Variants in ROCK2 observed in about 807,000 individuals in gnomAD.
ROCK2 encodes the protein Rho associated coiled-coil containing protein kinase 2.
Under a neutral mutation model 195.1 loss-of-function variants are expected in ROCK2, and 61 were observed. The observed-to-expected ratio is 0.31, with a 90% CI of 0.25 to 0.39. The LOEUF is 0.39. ROCK2 is among the 10% of genes least tolerant of loss of function. The pLI, the probability that ROCK2 is intolerant of heterozygous loss-of-function variation, is 1.00. For missense variants in ROCK2, 1,109 were observed against 1,637.4 expected (o/e 0.68, Z 5.57); for synonymous variants, 504 against 545.5 (o/e 0.92, Z 1.06).
Position 11,343,301 on chromosome 2 carries a change from A to G in ROCK2, c.141+695T>C, listed in dbSNP as rs139834607. 4.1e-3 allele frequency among the ~76,000 whole-genome samples: 626 copies of G among 152,328 alleles called. 3 individuals are homozygous for G. The highest frequency in any genetic ancestry group is 0.014 in the African/African-American group (564 of 41,568). On this transcript the variant is annotated intron_variant, in intron 1 of 32. Transcript: ENST00000315872. ...CTTTCTTAACCAAGAGCCAATTAGC[A>G]GCCTTTACGGTGCTATTAATCTGGA...
intron 1 of ROCK2, among the ~76,000 whole-genome samples, chr2:11,325,369 G>A (rs1008106448): frequency 6.6e-6 from 1 of 152,166 alleles, no homozygotes; most frequent in South Asian, 2.1e-4. Flanking sequence ...TATTTGTCTT[G>A]TCCTTCCAGA....
At chr2:11,331,245 CAA>C (rs1341745170) in intron 1 of ROCK2, among the ~76,000 whole-genome samples, 1 of 152,034 alleles carries the variant, frequency 6.6e-6, no homozygotes, top group African/African-American at 2.4e-5. Flanking sequence ...AAATACAAAG[CAA>C]AAGAGTAGAA....
chr2:11,321,150 A>G (rs760973937), intron 1 of ROCK2, among the ~76,000 whole-genome samples: 15 of 152,146 alleles, frequency 9.9e-5, no homozygotes, highest in Non-Finnish European at 2.1e-4. Flanking sequence ...CTTTACCGGC[A>G]TAACAAAGCA....
At chr2:11,308,249 T>C in intron 1 of ROCK2, 1 of 1,249,810 alleles carries the variant, frequency 8.0e-7, no homozygotes. Context: ...AAGTACAGCT[T>C]TACAGTCCAC....
At chr2:11,234,737 T>G (rs963115037) in intron 5 of ROCK2, 2 of 151,994 alleles carry the variant, frequency 1.3e-5, no homozygotes, top group African/African-American at 4.8e-5. Flanking sequence ...GAATGATCAG[T>G]CAGGTCAGGA....
chr2:11,214,903 A>C lies in ROCK2; in HGVS notation c.1873T>G (p.Ser625Ala). 6.2e-7 allele frequency: 1 copy of C among 1,613,874 alleles called. No homozygotes were observed. Among genetic ancestry groups the C allele is most frequent in the Non-Finnish European group, 8.5e-7 (1 of 1,179,894 alleles). The change falls in exon 16 of 33, where the codon TCA becomes GCA. Residue 625 changes from serine to alanine, a missense_variant. Physicochemically the swap from Ser to Ala is moderately conservative, Grantham distance 99 (BLOSUM62 1). This residue lies in a region of ROCK2 where 542 missense variants were observed against 672.0 expected (regional missense o/e 0.81). Transcript: ENST00000315872. ...KLEKEFINLQ[S>A]ALESERRDRT... ...TCCCTCCTTTCAGATTCTAGAGCTG[A>C]CTGAAGATTGATAAATTCCTTTTCA...
At chr2:11,237,393 A>G (rs1314916925) in intron 4 of ROCK2, among the ~76,000 whole-genome samples, 1 of 152,248 alleles carries the variant, frequency 6.6e-6, no homozygotes, top group Non-Finnish European at 1.5e-5. Flanking sequence ...ACGTCTACCT[A>G]AAAGTAGTTC....
intron 4 of ROCK2, among the ~76,000 whole-genome samples, chr2:11,248,698 G>A (rs1317591725): frequency 1.7e-5 from 1 of 59,586 alleles, no homozygotes; most frequent in Non-Finnish European, 2.7e-5. Flanking sequence ...AACAGAGCAA[G>A]ACTTCATCTC....
chr2:11,293,930 G>A (rs12476188), intron 1 of ROCK2, among the ~76,000 whole-genome samples: 49,707 of 151,982 alleles, frequency 0.33, 8,357 homozygotes, highest in East Asian at 0.54. Flanking sequence ...AGGCCGAGGC[G>A]GGAGGATCGT....
chr2:11,277,526 T>C (rs1666867367), intron 3 of ROCK2, among the ~76,000 whole-genome samples: 1 of 152,208 alleles, frequency 6.6e-6, no homozygotes, highest in Non-Finnish European at 1.5e-5. Flanking sequence ...GTATCATTCT[T>C]ATGCCTTTGC....
At chr2:11,335,679 T>G (rs143624643) in intron 1 of ROCK2, among the ~76,000 whole-genome samples, 36 of 152,298 alleles carry the variant, frequency 2.4e-4, no homozygotes, top group African/African-American at 7.9e-4. Flanking sequence ...TAAAGAGATG[T>G]AAACAGAAAC....
intron 3 of ROCK2, among the ~76,000 whole-genome samples, chr2:11,285,208 G>C (rs938589213): frequency 1.3e-5 from 2 of 149,796 alleles, no homozygotes; most frequent in Non-Finnish European, 2.9e-5. Flanking sequence ...GTTACGGTGA[G>C]CCGAGATCGC....
intron 32 of ROCK2, among the ~76,000 whole-genome samples, 200 bp downstream of exon 32, chr2:11,191,948 T>A (rs1181439760): frequency 6.6e-6 from 1 of 152,230 alleles, no homozygotes; most frequent in Non-Finnish European, 1.5e-5. Flanking sequence ...GTGTGTGATT[T>A]AGTAAGTAAG....
intron 3 of ROCK2, among the ~76,000 whole-genome samples, chr2:11,252,963 AAT>A (rs1665890703): frequency 6.8e-6 from 1 of 147,526 alleles, no homozygotes; most frequent in Admixed American, 6.8e-5. Context: ...TAATAATAAT[AAT>A]AATAATAATA....
intron 1 of ROCK2, among the ~76,000 whole-genome samples, chr2:11,324,648 A>G (rs1668495005): frequency 6.6e-6 from 1 of 152,200 alleles, no homozygotes; most frequent in Non-Finnish European, 1.5e-5. Context: ...AAAACTTAAA[A>G]TGCATATTGC....
chr2:11,197,122 A>T lies in ROCK2; in HGVS notation c.3448+58T>A, dbSNP rs1000169542. On this transcript the variant is annotated intron_variant, in intron 27 of 32. Coordinates refer to ENST00000315872, the MANE Select transcript of ROCK2 (RefSeq NM_004850.5). The surrounding 1 kb of genome is among the most constrained non-coding windows in gnomAD (Gnocchi z 4.9). ...TTCAGAGCAGTCAGTCGCAAGACTT[A>T]AAACAATCAACTGATTTATATTTAA... is the stretch of plus-strand genomic sequence containing the variant. 32 of 1,296,292 alleles carry T rather than the reference A, an allele frequency of 2.5e-5. 1 individual carries two copies. Among genetic ancestry groups the T allele is most frequent in the East Asian group, 1.8e-4 (7 of 38,636 alleles). 80.3% of individuals were successfully genotyped at this position (1,296,292 alleles called of 1,614,324 possible).
rs532989774 is a variant in ROCK2, at chr2:11,258,026, A to G, written c.325-8228T>C. On this transcript the variant is annotated intron_variant, in intron 3 of 32. Coordinates refer to ENST00000315872, the MANE Select transcript of ROCK2 (RefSeq NM_004850.5). ...AGTGTATTTTTGTCACTTCAGTTAT[A>G]TTTTTAAAATCTGTTTAAGGAGGAA... is the stretch of plus-strand genomic sequence containing the variant. 1.5e-3 allele frequency among the ~76,000 whole-genome samples: 228 copies of G among 151,430 alleles called. 11 individuals carry two copies. The highest frequency in any genetic ancestry group is 5.3e-3 in the African/African-American group (217 of 40,776).
intron 8 of ROCK2, among the ~76,000 whole-genome samples, 180 bp downstream of exon 8, chr2:11,221,903 C>A (rs1332490016): frequency 6.6e-6 from 1 of 152,010 alleles, no homozygotes; most frequent in Non-Finnish European, 1.5e-5. Context: ...TAATAGTTTG[C>A]AAAGATATTG....
intron 1 of ROCK2, among the ~76,000 whole-genome samples, chr2:11,339,322 T>A (rs1669031124): frequency 6.6e-6 from 1 of 152,122 alleles, no homozygotes; most frequent in Non-Finnish European, 1.5e-5. Context: ...TATATGGATG[T>A]TCACTGTCGA....
Sources: gnomAD v4.1 joint callset for allele counts (sites outside exome capture counted in the v4.1 genomes callset) on GRCh38, gnomAD v4.1.1 for gene constraint, gnomAD v4.1.1 regional missense constraint, Gnocchi (gnomAD v3.1) non-coding constraint, MANE v1.5 for transcripts, NCBI Gene and HGNC (gene_info 2026-07-23, HGNC 2026-07-21) for gene names.